RELB: variants seen among roughly 807,000 people sequenced by gnomAD.
RELB encodes RELB proto-oncogene, NF-kB subunit.
RELB carries 14 observed loss-of-function variants against 55.4 expected under a neutral mutation model. The ratio of observed to expected loss-of-function variants is 0.25; its 90% CI spans 0.17 to 0.40. RELB has a LOEUF of 0.40. Among genes scored for constraint, RELB ranks in the 10% least tolerant of loss-of-function variants. The pLI is 1.00. For missense variants in RELB, 669 were observed against 830.7 expected, an observed-to-expected ratio of 0.81 and a Z score of 2.39; for synonymous variants, 409 against 371.3, an observed-to-expected ratio of 1.10 and a Z score of -1.17.
rs750262320 is a variant in RELB at position 45,011,996 on chromosome 19, C to T, written c.224C>T (p.Pro75Leu). 6.4e-7 allele frequency: 1 copy of T among 1,573,302 alleles called. No individual in the cohort carries two copies. The highest frequency in any genetic ancestry group is 8.6e-7 in the Non-Finnish European group (1 of 1,164,474). The change falls in exon 4 of 12, where the codon CCG (proline) becomes CTG (leucine). Residue 75 changes from proline (P) to leucine (L), a missense_variant. Physicochemically the swap from Pro to Leu is moderately conservative, Grantham distance 98. This residue lies in a region of RELB where 323 missense variants were observed against 368.5 expected (regional missense o/e 0.88). Transcript: ENST00000221452. ...GFGLDGGQPG[P>L]GEGLPRLVSR... is the part of the protein sequence containing the mutation. ...GGCCTGGACGGGGGACAGCCGGGCC[C>T]GGGCGAGGGGCTGCCACGCCTGGTG...
At chr19:45,033,848 T>C (rs1283034549) in intron 9 of RELB, among the ~76,000 whole-genome samples, 1 of 147,126 alleles carries the variant, frequency 6.8e-6, no homozygotes, top group Admixed American at 6.8e-5. Context: ...CAGCCAAGAC[T>C]CCATCTTTAA....
At chr19:45,033,070 CT>C (rs1284426035) in intron 9 of RELB, among the ~76,000 whole-genome samples, 1 of 152,182 alleles carries the variant, frequency 6.6e-6, no homozygotes, top group African/African-American at 2.4e-5. Flanking sequence ...AGCACGGCCC[CT>C]AGCTGTGTCC....
chr19:45,010,402 A>G (rs1331584531), intron 3 of RELB, among the ~76,000 whole-genome samples: 1 of 151,214 alleles, frequency 6.6e-6, no homozygotes, highest in Non-Finnish European at 1.5e-5. Flanking sequence ...GGATTTAGCC[A>G]TGAACAAAAC....
chr19:45,030,502 C>G (rs34153678), intron 8 of RELB, among the ~76,000 whole-genome samples: 1,781 of 152,090 alleles, frequency 0.012, 42 homozygotes, highest in African/African-American at 0.041. Context: ...TGTGGTGGAA[C>G]ACACCTGTAA....
intron 2 of RELB, among the ~76,000 whole-genome samples, chr19:45,004,513 C>G (rs1043371710): frequency 7.3e-5 from 11 of 151,702 alleles, no homozygotes; most frequent in Admixed American, 4.6e-4. Context: ...CGCGAGCCAC[C>G]GTGCCTGGCC....
At chr19:45,033,391 G>C (rs1668797181) in intron 9 of RELB, among the ~76,000 whole-genome samples, 1 of 152,102 alleles carries the variant, frequency 6.6e-6, no homozygotes, top group Non-Finnish European at 1.5e-5. Context: ...ACAACAAAGA[G>C]GCCAGTGTGT....
intron 4 of RELB, among the ~76,000 whole-genome samples, chr19:45,020,225 C>CTTTTTTTTT (rs1165992006): frequency 6.9e-6 from 1 of 144,376 alleles, no homozygotes. Flanking sequence ...CTCTCTCTCT[C>CTTTTTTTTT]TTTTTTTTTT....
chr19:45,003,025 C>G, intron 2 of RELB, 29 bp downstream of exon 2: 1 of 1,605,924 alleles, frequency 6.2e-7, no homozygotes, highest in East Asian at 2.2e-5. Flanking sequence ...TTCCTGCCCA[C>G]TCGCTCATGC....
rs140110273 is a variant in RELB, at chr19:45,024,627, G to A, written c.663-702G>A. On this transcript the variant is annotated intron_variant, in intron 5 of 11. Coordinates refer to ENST00000221452, the MANE Select transcript of RELB (RefSeq NM_006509.4). ...TGCAGTGGCATGATCTCATCTCTCT[G>A]CAACCTCTACCTCCCGGGCTCAAGC... 1.6e-4 allele frequency among the ~76,000 whole-genome samples: 24 copies of A among 152,084 alleles called. No homozygotes were observed. The East Asian group carries it at 4.4e-3, about 28-fold the overall frequency.
intron 4 of RELB, among the ~76,000 whole-genome samples, chr19:45,015,734 CA>C (rs768567865): frequency 8.3e-4 from 61 of 73,380 alleles, no homozygotes; most frequent in African/African-American, 6.5e-4. Flanking sequence ...GATGCTATCT[CA>C]AAAAAAAAAA....
chr19:45,004,009 C>T (rs1274160945), intron 2 of RELB, among the ~76,000 whole-genome samples: 1 of 142,142 alleles, frequency 7.0e-6, no homozygotes, highest in Non-Finnish European at 1.5e-5. Context: ...CTGCAATCTC[C>T]ACCTCCCGGG....
chr19:45,005,211 C>G lies in RELB; in HGVS notation c.154+2215C>G, dbSNP rs35239864. Among the ~76,000 whole-genome samples, 259 of 152,116 alleles carry G rather than the reference C, an allele frequency of 1.7e-3. 1 individual carries two copies. The highest frequency in any genetic ancestry group is 5.9e-3 in the African/African-American group (244 of 41,518). On this transcript the variant is annotated intron_variant, in intron 2 of 11. Coordinates refer to ENST00000221452, the MANE Select transcript of RELB (RefSeq NM_006509.4). ...AAAAACCATGTCAGGCCCCACCTCT[C>G]GAGTTTCTGATTCAGTAGGTTTGGG...
intron 7 of RELB, among the ~76,000 whole-genome samples, chr19:45,027,093 C>T (rs34583389): frequency 0.31 from 46,444 of 151,666 alleles, 8,741 homozygotes; most frequent in Non-Finnish European, 0.42. Context: ...ATTAGCCGGG[C>T]GTCGTGGCGG....
chr19:45,011,527 A>C (rs1971350946), intron 3 of RELB, among the ~76,000 whole-genome samples: 2 of 146,688 alleles, frequency 1.4e-5, no homozygotes, highest in South Asian at 4.4e-4. Context: ...CACGATCTTG[A>C]CTTACTGCAG....
At chr19:45,034,637 T>TCACTCAG in intron 11 of RELB, 109 bp downstream of exon 11, 1 of 872,432 alleles carries the variant, frequency 1.1e-6, no homozygotes, top group Non-Finnish European at 1.8e-6. Flanking sequence ...ACAAGGCGAG[T>TCACTCAG]CACTCAGCAC....
chr19:45,037,315 C>A, intron 11 of RELB, 90 bp from the exon 12 acceptor site: 14 of 1,285,260 alleles, frequency 1.1e-5, no homozygotes, highest in Non-Finnish European at 1.4e-5. Context: ...CTTGATATCA[C>A]ATTTTGCAGG....
intron 4 of RELB, among the ~76,000 whole-genome samples, chr19:45,020,794 T>C (rs1161063095): frequency 6.7e-6 from 1 of 149,548 alleles, no homozygotes; most frequent in Non-Finnish European, 1.5e-5. Flanking sequence ...CCTGACCTCA[T>C]GATCTGCCCG....
chr19:45,008,857 G>T, intron 2 of RELB: 1 of 230,562 alleles, frequency 4.3e-6, no homozygotes, highest in Admixed American at 4.4e-5. Flanking sequence ...TCCTGTCTAT[G>T]GAATGACGGG....
chr19:45,009,366 C>T (rs907964584), intron 2 of RELB, among the ~76,000 whole-genome samples: 1 of 152,152 alleles, frequency 6.6e-6, no homozygotes, highest in Non-Finnish European at 1.5e-5. Flanking sequence ...CAGGCGTGAG[C>T]CACCAGGCCT....
Sources: gnomAD v4.1 joint callset for allele counts (sites outside exome capture counted in the v4.1 genomes callset) on GRCh38, gnomAD v4.1.1 for gene constraint, gnomAD v4.1.1 regional missense constraint, MANE v1.5 for transcripts, NCBI Gene and HGNC (gene_info 2026-07-23, HGNC 2026-07-21) for gene names.